DMRT1: variants seen among roughly 807,000 people sequenced by gnomAD.
DMRT1 encodes doublesex and mab-3 related transcription factor 1, also known as doublesex- and mab-3-related transcription factor 1.
In DMRT1, 7 loss-of-function variants were observed where a neutral mutation model predicts 32.3. That is an observed-to-expected ratio of 0.22 (90% CI 0.12 to 0.41). The LOEUF (loss-of-function observed/expected upper bound fraction) is 0.41, where lower values mean the gene tolerates loss of function less well. DMRT1 is among the 10% of genes least tolerant of loss of function. The probability of loss-of-function intolerance (pLI) is 1.00; values close to 1 mark genes in which losing one functional copy is unlikely to be tolerated. For missense variants in DMRT1, 625 were observed against 500.5 expected (o/e 1.25, Z -2.37); for synonymous variants, 278 against 206.1 (o/e 1.35, Z -2.99).
At chr9:953,700 A>G (rs1037685237) in intron 4 of DMRT1, among the ~76,000 whole-genome samples, 2 of 152,204 alleles carry the variant, frequency 1.3e-5, no homozygotes, top group African/African-American at 4.8e-5. Flanking sequence ...CTCTCTTGCC[A>G]GAGCTGCCTC....
chr9:894,394 T>C (rs1259160375), intron 3 of DMRT1, 199 bp downstream of exon 3: 2 of 634,072 alleles, frequency 3.2e-6, no homozygotes, highest in Admixed American at 2.5e-5. Context: ...GTGTAAGGAA[T>C]TTTTTACTCT....
At chr9:858,627 A>T (rs1308090789) in intron 2 of DMRT1, among the ~76,000 whole-genome samples, 3 of 152,238 alleles carry the variant, frequency 2.0e-5, no homozygotes, top group Middle Eastern at 3.4e-3. Context: ...TAATCCCAGC[A>T]CTTTGGGAGG....
chr9:861,721 G>T (rs986327951), intron 2 of DMRT1, among the ~76,000 whole-genome samples: 15 of 148,796 alleles, frequency 1.0e-4, no homozygotes, highest in Admixed American at 8.7e-4. Context: ...GCGGCTGGCC[G>T]GGCAGGGGCT....
intron 4 of DMRT1, among the ~76,000 whole-genome samples, chr9:964,644 C>T (rs1263521506): frequency 6.6e-6 from 1 of 152,122 alleles, no homozygotes; most frequent in Non-Finnish European, 1.5e-5. Flanking sequence ...TTCCTGCCCC[C>T]AACCCCAGTG....
chr9:904,821 A>G (rs1295703752), intron 3 of DMRT1, among the ~76,000 whole-genome samples: 1 of 152,108 alleles, frequency 6.6e-6, no homozygotes, highest in Non-Finnish European at 1.5e-5. Context: ...GCAGGTGCCT[A>G]TAATCCCAGC....
chr9:950,299 G>A (rs763894673), intron 4 of DMRT1, among the ~76,000 whole-genome samples: 7 of 152,098 alleles, frequency 4.6e-5, no homozygotes, highest in African/African-American at 1.7e-4. Flanking sequence ...TGGATGTGAA[G>A]AAGAGGAAAG....
intron 3 of DMRT1, among the ~76,000 whole-genome samples, chr9:902,499 T>TC (rs1224476232): frequency 6.6e-6 from 1 of 151,430 alleles, no homozygotes; most frequent in African/African-American, 2.4e-5. Context: ...ACATTTTTTT[T>TC]TTTTTTAGAT....
intron 4 of DMRT1, among the ~76,000 whole-genome samples, chr9:923,198 C>T (rs960764726): frequency 7.2e-5 from 11 of 152,164 alleles, no homozygotes; most frequent in African/African-American, 2.7e-4. Flanking sequence ...CTGCACCTCC[C>T]AAGTTTGCAG....
At chr9:901,220 G>A (rs1042173892) in intron 3 of DMRT1, among the ~76,000 whole-genome samples, 15 of 152,118 alleles carry the variant, frequency 9.9e-5, no homozygotes, top group Non-Finnish European at 1.5e-5. Flanking sequence ...TCACCATGTT[G>A]CCTGGGCTGG....
chr9:964,880 T>A (rs1819885172), intron 4 of DMRT1, among the ~76,000 whole-genome samples: 3 of 152,230 alleles, frequency 2.0e-5, no homozygotes, highest in Non-Finnish European at 4.4e-5. Context: ...CAATACTATC[T>A]GTTCCCCCAC....
At chr9:856,274 A>C (rs920577845) in intron 2 of DMRT1, among the ~76,000 whole-genome samples, 6 of 152,174 alleles carry the variant, frequency 3.9e-5, no homozygotes, top group African/African-American at 1.4e-4. Context: ...CTTAAGATGT[A>C]ATTCATATAC....
At chr9:901,121 C>T (rs927502496) in intron 3 of DMRT1, among the ~76,000 whole-genome samples, 3 of 152,040 alleles carry the variant, frequency 2.0e-5, no homozygotes, top group East Asian at 1.9e-4. Context: ...CTTAAGCGAT[C>T]CTCCTACCTC....
At chr9:948,794 G>A (rs962965179) in intron 4 of DMRT1, among the ~76,000 whole-genome samples, 8 of 151,838 alleles carry the variant, frequency 5.3e-5, no homozygotes, top group Admixed American at 3.9e-4. Flanking sequence ...GGTAGCTTAT[G>A]CCTGTAATCC....
intron 2 of DMRT1, among the ~76,000 whole-genome samples, chr9:854,103 A>C (rs1815283529): frequency 7.3e-6 from 1 of 137,776 alleles, no homozygotes; most frequent in African/African-American, 2.8e-5. Flanking sequence ...GAGCCTACAC[A>C]CTAAGCCCAT....
intron 2 of DMRT1, among the ~76,000 whole-genome samples, chr9:875,620 G>A (rs959123544): frequency 1.3e-5 from 2 of 152,214 alleles, no homozygotes; most frequent in African/African-American, 4.8e-5. Flanking sequence ...TTGTGGGCCA[G>A]TTAGATAGCT....
chr9:925,172 C>T (rs1818481049), intron 4 of DMRT1, among the ~76,000 whole-genome samples: 1 of 152,072 alleles, frequency 6.6e-6, no homozygotes, highest in South Asian at 2.1e-4. Context: ...CCTCCAGGTG[C>T]CTGGCATCGT....
At chr9:933,900 T>C (rs893100474) in intron 4 of DMRT1, among the ~76,000 whole-genome samples, 4 of 152,320 alleles carry the variant, frequency 2.6e-5, no homozygotes, top group African/African-American at 9.6e-5. Flanking sequence ...TCTTGACTTT[T>C]GTGGGAACAT....
intron 2 of DMRT1, among the ~76,000 whole-genome samples, chr9:878,381 G>A (rs964024238): frequency 1.3e-5 from 2 of 152,188 alleles, no homozygotes; most frequent in Admixed American, 6.5e-5. Context: ...AGTAGAGGTG[G>A]TGGCTTGCAG....
intron 2 of DMRT1, among the ~76,000 whole-genome samples, chr9:862,962 A>G (rs1815787973): frequency 6.6e-6 from 1 of 151,990 alleles, no homozygotes; most frequent in Non-Finnish European, 1.5e-5. Context: ...GAGTCTTGAG[A>G]TGAGTGAGAT....
Sources: allele counts gnomAD v4.1 joint callset (sites outside exome capture counted in the v4.1 genomes callset), GRCh38; gene constraint gnomAD v4.1.1; transcripts MANE v1.5; gene names NCBI Gene and HGNC (gene_info 2026-07-23, HGNC 2026-07-21).